The following TRAPPC9 variants were observed in gnomAD, a reference collection of about 807,000 sequenced individuals.
The protein encoded by TRAPPC9 is trafficking protein particle complex subunit 9.
A neutral mutation model predicts 124.0 loss-of-function variants in TRAPPC9; 83 were observed. That is an observed-to-expected ratio of 0.67 (90% CI 0.56 to 0.80). The LOEUF is 0.80. TRAPPC9 is among the 30% of genes least tolerant of loss of function. The probability of loss-of-function intolerance (pLI) is 0.00; values close to 1 mark genes in which losing one functional copy is unlikely to be tolerated. For synonymous variants in TRAPPC9, 638 were observed against 617.5 expected, an observed-to-expected ratio of 1.03 and a Z score of -0.49; for missense variants, 1,302 against 1,508.3, an observed-to-expected ratio of 0.86 and a Z score of 2.27.
chr8:139,899,120 C>CAAAAAAAAAAAAAA (rs33927933), intron 20 of TRAPPC9, among the ~76,000 whole-genome samples: 1 of 45,468 alleles, frequency 2.2e-5, no homozygotes, highest in Non-Finnish European at 3.8e-5. Flanking sequence ...AACTCCGTCT[C>CAAAAAAAAAAAAAA]AAAAAAAAAA....
intron 19 of TRAPPC9, among the ~76,000 whole-genome samples, chr8:139,986,286 G>T (rs1278640703): frequency 6.6e-6 from 1 of 152,040 alleles, no homozygotes; most frequent in African/African-American, 2.4e-5. Context: ...TCAAAATAAT[G>T]TTTGGGTGGG....
At chr8:140,415,557 C>CA (rs201580495) in intron 5 of TRAPPC9, among the ~76,000 whole-genome samples, 151 of 113,006 alleles carry the variant, frequency 1.3e-3, no homozygotes, top group African/African-American at 4.5e-3. Context: ...CTCTGTCACA[C>CA]AAAAAAAAAG....
chr8:139,788,686 G>A lies in TRAPPC9; in HGVS notation c.3056-56484C>T, dbSNP rs557735886. ...CTCCCACCTCCCTCCTGACGGCCAC[G>A]CAGAGTCGAGTTACCATCACGCCTG... On this transcript the variant is annotated intron_variant, in intron 21 of 22. Coordinates refer to ENST00000438773, the MANE Select transcript of TRAPPC9 (RefSeq NM_001160372.4). This position sits in a 1 kb window ranked among gnomAD's most constrained non-coding sequence, Gnocchi z 4.9. Among the ~76,000 whole-genome samples the A allele has an allele frequency of 6.6e-5, 10 of 152,268 alleles. No individual in the cohort carries two copies. Among genetic ancestry groups the A allele is most frequent in the Admixed American group, 1.3e-4 (2 of 15,302 alleles).
intron 19 of TRAPPC9, among the ~76,000 whole-genome samples, chr8:139,964,206 C>T (rs1835542224): frequency 8.6e-6 from 1 of 116,490 alleles, no homozygotes; most frequent in Non-Finnish European, 1.6e-5. Flanking sequence ...GCCTGGGCGA[C>T]AGAGCAAGAC....
intron 19 of TRAPPC9, among the ~76,000 whole-genome samples, chr8:139,963,474 G>A (rs2665926): frequency 0.34 from 51,925 of 151,896 alleles, 10,677 homozygotes; most frequent in Non-Finnish European, 0.46. Flanking sequence ...CTGGGTGAGC[G>A]TGGCTTCCTG....
chr8:140,030,202 G>C (rs1279546656), intron 17 of TRAPPC9, among the ~76,000 whole-genome samples: 2 of 152,156 alleles, frequency 1.3e-5, no homozygotes, highest in Non-Finnish European at 2.9e-5. Flanking sequence ...ATAAGCAATG[G>C]AATGTTTTGC....
At chr8:140,380,435 C>T (rs1428605924) in intron 7 of TRAPPC9, among the ~76,000 whole-genome samples, 1 of 151,926 alleles carries the variant, frequency 6.6e-6, no homozygotes, top group Non-Finnish European at 1.5e-5. Flanking sequence ...GGGTGGATCG[C>T]CTGAGGTCAG....
intron 19 of TRAPPC9, among the ~76,000 whole-genome samples, chr8:139,944,511 T>C (rs980541418): frequency 6.6e-6 from 1 of 152,212 alleles, no homozygotes; most frequent in Non-Finnish European, 1.5e-5. Context: ...GACACAATAA[T>C]AACTTTAAAT....
intron 17 of TRAPPC9, among the ~76,000 whole-genome samples, chr8:140,114,742 A>G (rs2060846879): frequency 1.3e-5 from 2 of 152,182 alleles, no homozygotes; most frequent in Non-Finnish European, 2.9e-5. Flanking sequence ...AGCGGGAGGG[A>G]GAACCGCAAA....
intron 19 of TRAPPC9, among the ~76,000 whole-genome samples, chr8:139,979,660 G>A (rs149123761): frequency 1.3e-5 from 2 of 152,178 alleles, no homozygotes; most frequent in East Asian, 1.9e-4. Context: ...GCAAGAGGGA[G>A]AATCTGAGGT....
At chr8:139,834,355 T>C (rs1170878448) in intron 21 of TRAPPC9, among the ~76,000 whole-genome samples, 6 of 152,156 alleles carry the variant, frequency 3.9e-5, no homozygotes, top group Non-Finnish European at 7.4e-5. Context: ...CCACGGACCA[T>C]AGAGGGCTGT....
intron 19 of TRAPPC9, among the ~76,000 whole-genome samples, chr8:139,983,419 C>A (rs567324892): frequency 6.6e-6 from 1 of 151,496 alleles, no homozygotes; most frequent in East Asian, 2.0e-4. Flanking sequence ...CCTTCCTTGG[C>A]CCCCCAGTCC....
chr8:140,236,435 T>C (rs2063733090), intron 16 of TRAPPC9, among the ~76,000 whole-genome samples: 1 of 152,208 alleles, frequency 6.6e-6, no homozygotes, highest in Admixed American at 6.5e-5. Flanking sequence ...TTTATGATGA[T>C]AGAAGTCATA....
chr8:139,777,546 T>C (rs1821479753), intron 21 of TRAPPC9, among the ~76,000 whole-genome samples: 1 of 152,216 alleles, frequency 6.6e-6, no homozygotes, highest in Admixed American at 6.5e-5. Context: ...ATTTCCTCCT[T>C]GACAATAAAG....
intron 17 of TRAPPC9, among the ~76,000 whole-genome samples, chr8:140,111,296 A>C (rs72687209): frequency 0.033 from 4,965 of 152,142 alleles, 99 homozygotes; most frequent in Middle Eastern, 0.054. Context: ...CCTACCAGGC[A>C]AACTCAGAGG....
chr8:140,162,569 C>T lies in TRAPPC9; in HGVS notation c.2556+58890G>A, dbSNP rs552086542. On this transcript the variant is annotated intron_variant, in intron 17 of 22. Transcript: ENST00000438773. ...ATCAACAAACTATATCGCCTGTCCA[C>T]GCTGCAAAATAATTCAGTTGAGGGG... Among the ~76,000 whole-genome samples the T allele has an allele frequency of 8.5e-5, 13 of 152,282 alleles. No homozygotes were observed. The East Asian group carries it at 1.2e-3, about 14-fold the overall frequency.
At chr8:140,116,729 G>A (rs565410828) in intron 17 of TRAPPC9, among the ~76,000 whole-genome samples, 4 of 152,226 alleles carry the variant, frequency 2.6e-5, no homozygotes, top group African/African-American at 7.2e-5. Flanking sequence ...TGGCAGCAGC[G>A]GACAAGCTAG....
At chr8:139,944,909 G>T (rs1420188597) in intron 19 of TRAPPC9, among the ~76,000 whole-genome samples, 1 of 152,204 alleles carries the variant, frequency 6.6e-6, no homozygotes, top group Non-Finnish European at 1.5e-5. Context: ...GATCACCTGA[G>T]ATCAGGAGTT....
intron 19 of TRAPPC9, among the ~76,000 whole-genome samples, chr8:139,937,081 G>A (rs1370152157): frequency 6.6e-6 from 1 of 151,980 alleles, no homozygotes; most frequent in Non-Finnish European, 1.5e-5. Context: ...AAAGCATGGA[G>A]AGAGTGGGGC....
Sources: allele counts gnomAD v4.1 joint callset (sites outside exome capture counted in the v4.1 genomes callset), GRCh38; gene constraint gnomAD v4.1.1; non-coding constraint Gnocchi (gnomAD v3.1); transcripts MANE v1.5; gene names NCBI Gene and HGNC (gene_info 2026-07-23, HGNC 2026-07-21).